Variants in POTEJ observed in about 807,000 individuals in gnomAD.
The protein encoded by POTEJ is POTE ankyrin domain family member J, also known as POTE ankyrin domain family, member J.
Under a neutral mutation model 69.0 loss-of-function variants are expected in POTEJ, and 11 were observed. The ratio of observed to expected loss-of-function variants is 0.16; its 90% confidence interval spans 0.10 to 0.26. The LOEUF (loss-of-function observed/expected upper bound fraction) is 0.26, where lower values mean the gene tolerates loss of function less well. Ranked by LOEUF, POTEJ falls within the 10% of genes least tolerant of loss-of-function variation. The pLI, the probability that POTEJ is intolerant of heterozygous loss-of-function variation, is 1.00. For synonymous variants in POTEJ, 117 were observed against 381.1 expected (o/e 0.31, Z 8.07); for missense variants, 327 against 1,045.5 (o/e 0.31, Z 9.48).
intron 6 of POTEJ, among the ~76,000 whole-genome samples, chr2:130,625,189 CT>C (rs1685658832): frequency 6.6e-6 from 1 of 152,142 alleles, no homozygotes; most frequent in Non-Finnish European, 1.5e-5. Context: ...TAGTTTTGAT[CT>C]TTAAGGTGCT....
At chr2:130,613,383 T>TATAC (rs1685309026) in intron 1 of POTEJ, among the ~76,000 whole-genome samples, 1 of 58,280 alleles carries the variant, frequency 1.7e-5, no homozygotes, top group Non-Finnish European at 4.7e-5. Context: ...TGTGTGTGTG[T>TATAC]GTATATATAT....
intron 14 of POTEJ, among the ~76,000 whole-genome samples, chr2:130,655,278 T>G (rs1376990702): frequency 4.0e-3 from 582 of 146,800 alleles, no homozygotes; most frequent in African/African-American, 0.015. Context: ...GGAGAAGTAT[T>G]TGATGTTTTT....
chr2:130,639,437 C>A (rs1306254836), intron 10 of POTEJ, among the ~76,000 whole-genome samples: 1 of 151,716 alleles, frequency 6.6e-6, no homozygotes, highest in Non-Finnish European at 1.5e-5. Flanking sequence ...GTTCTTCCAC[C>A]GGCTGGTTAA....
In POTEJ at chr2:130,656,867, C is replaced by A. The variant is rs1313301544; in HGVS notation, c.2107C>A (p.Gln703Lys). The A allele has an allele frequency of 5.7e-6, 9 of 1,590,602 alleles. 1 individual carries two copies. Among genetic ancestry groups the A allele is most frequent in the Admixed American group, 1.7e-5 (1 of 59,352 alleles). ...CCCTTCCATCGTGGGGTGCCCCAGG[C>A]AGCAGGGCATGATGGGGGGCATGCA... ...VFPSIVGCPR[Q>K]QGMMGGMHQK... is the part of the protein sequence containing the mutation. The change falls in exon 15 of 15, where the codon CAG becomes AAG. Residue 703 changes from glutamine (Q) to lysine (K), a missense_variant. Transcript: ENST00000409602.
At chr2:130,639,438 G>A (rs1369514686) in intron 10 of POTEJ, among the ~76,000 whole-genome samples, 7,676 of 145,788 alleles carry the variant, frequency 0.053, 389 homozygotes, top group African/African-American at 0.2. Context: ...TTCTTCCACC[G>A]GCTGGTTAAT....
At chr2:130,613,237 T>C (rs867540592) in intron 1 of POTEJ, among the ~76,000 whole-genome samples, 102 of 138,666 alleles carry the variant, frequency 7.4e-4, no homozygotes, top group Admixed American at 2.4e-3. Flanking sequence ...TATATATACA[T>C]ATATATACAT....
chr2:130,631,036 T>A (rs1233274918), intron 7 of POTEJ, among the ~76,000 whole-genome samples: 1 of 144,260 alleles, frequency 6.9e-6, no homozygotes, highest in Non-Finnish European at 1.5e-5. Context: ...AGGAAGGTTT[T>A]GGAATACTAC....
chr2:130,650,302 C>T (rs754207126), intron 13 of POTEJ, among the ~76,000 whole-genome samples: 30 of 151,102 alleles, frequency 2.0e-4, no homozygotes, highest in African/African-American at 6.9e-4. Context: ...CCCAACTTTC[C>T]CACCACCCTT....
chr2:130,646,478 C>T (rs1382935033), intron 13 of POTEJ, among the ~76,000 whole-genome samples, 168 bp downstream of exon 13: 4 of 132,556 alleles, frequency 3.0e-5, no homozygotes, highest in African/African-American at 1.3e-4. Flanking sequence ...CGTTTTTTTT[C>T]CAGTCGTTAA....
chr2:130,636,855 G>A (rs1222392613), intron 9 of POTEJ, among the ~76,000 whole-genome samples: 1 of 147,464 alleles, frequency 6.8e-6, no homozygotes, highest in African/African-American at 2.5e-5. Context: ...CACTTTGGGA[G>A]GCCAAGGCAG....
At chr2:130,647,150 G>C (rs1265386033) in intron 13 of POTEJ, among the ~76,000 whole-genome samples, 1 of 150,820 alleles carries the variant, frequency 6.6e-6, no homozygotes, top group African/African-American at 2.5e-5. Flanking sequence ...TTAAAAAAAT[G>C]AGGTTAGATG....
intron 7 of POTEJ, among the ~76,000 whole-genome samples, chr2:130,631,199 T>C (rs2105222434): frequency 6.7e-6 from 1 of 148,918 alleles, no homozygotes; most frequent in African/African-American, 2.6e-5. Context: ...GCCAGTAATG[T>C]GGCAGTAGCT....
chr2:130,648,661 G>A (rs1236964652), intron 13 of POTEJ, among the ~76,000 whole-genome samples: 2 of 132,966 alleles, frequency 1.5e-5, no homozygotes, highest in Non-Finnish European at 3.2e-5. Flanking sequence ...CACTCCCTCA[G>A]GCTTTTCCTC....
chr2:130,637,740 A>G (rs1386874289), intron 9 of POTEJ, among the ~76,000 whole-genome samples: 2 of 152,282 alleles, frequency 1.3e-5, no homozygotes, highest in African/African-American at 2.4e-5. Context: ...AACCTAAAAA[A>G]AAAAATAAAA....
At chr2:130,624,806 CT>C (rs1465000686) in intron 6 of POTEJ, among the ~76,000 whole-genome samples, 3 of 151,810 alleles carry the variant, frequency 2.0e-5, no homozygotes, top group African/African-American at 7.3e-5. Context: ...CTCACTATTA[CT>C]GACTTCATTC....
In POTEJ at chr2:130,627,532, A is replaced by G. The variant is rs1685756418; in HGVS notation, c.1016-2417A>G. On this transcript the variant is annotated intron_variant, in intron 6 of 14. Coordinates refer to ENST00000409602, the MANE Select transcript of POTEJ (RefSeq NM_001277083.2). ...ATTCAGTCCTAGAGTGCCCTGCTTGACTTCATGTCATAGTTCTGACTTCTA... is the reference window on the plus strand; with the variant it reads ...ATTCAGTCCTAGAGTGCCCTGCTTGGCTTCATGTCATAGTTCTGACTTCTA... Among the ~76,000 whole-genome samples the G allele has an allele frequency of 2.8e-5, 4 of 141,982 alleles. No individual in the cohort carries two copies. In the South Asian group the frequency reaches 8.7e-4, roughly 31 times the overall value. 93.1% of individuals were successfully genotyped at this position (141,982 alleles called of 152,430 possible).
chr2:130,641,421 G>T (rs144136654), intron 10 of POTEJ, among the ~76,000 whole-genome samples: 4,940 of 147,012 alleles, frequency 0.034, 532 homozygotes, highest in African/African-American at 0.11. Flanking sequence ...TTTTTTTCCT[G>T]TAAGAAATAA....
At chr2:130,625,738 G>A (rs1410043918) in intron 6 of POTEJ, among the ~76,000 whole-genome samples, 1 of 141,950 alleles carries the variant, frequency 7.0e-6, no homozygotes, top group Non-Finnish European at 1.5e-5. Context: ...ACTTTTGCTA[G>A]TACCAAAAGT....
Position 130,657,466 on chromosome 2 carries a change from C to A in POTEJ, c.2706C>A (p.Ser902Arg). Residue 902 changes from serine to arginine, a missense_variant, in exon 15 of 15, where the codon AGC becomes AGA. Transcript: ENST00000409602. ...CCTCCAGCTCCTCCCTAGAGAAGAG[C>A]TACGAGCTGCCCGATGGCCAGGTCA... ...MVASSSSLEK[S>R]YELPDGQVIT... 6.3e-7 allele frequency: 1 copy of A among 1,581,736 alleles called. No homozygotes were observed. Among genetic ancestry groups the A allele is most frequent in the Non-Finnish European group, 8.6e-7 (1 of 1,156,874 alleles).
Sources: gnomAD v4.1 joint callset for allele counts (sites outside exome capture counted in the v4.1 genomes callset) on GRCh38, gnomAD v4.1.1 for gene constraint, MANE v1.5 for transcripts, NCBI Gene and HGNC (gene_info 2026-07-23, HGNC 2026-07-21) for gene names.